Variants in SH2B2 observed in about 807,000 individuals in gnomAD.
SH2B2 encodes the protein SH2B adaptor protein 2, also known as SH2B adapter protein 2.
SH2B2 carries 37 observed loss-of-function variants against 35.7 expected under a neutral mutation model. The observed-to-expected ratio is 1.04, with a 90% CI of 0.80 to 1.36. SH2B2 has a LOEUF of 1.36. Among genes scored for constraint, SH2B2 ranks in the 40% most tolerant of loss-of-function variants. The pLI is 0.00. For synonymous variants in SH2B2, 383 were observed against 376.4 expected (o/e 1.02, Z -0.20); for missense variants, 852 against 817.7 (o/e 1.04, Z -0.51).
At chr7:102,309,786 A>G (rs369015190) in intron 4 of SH2B2, among the ~76,000 whole-genome samples, 9 of 152,312 alleles carry the variant, frequency 5.9e-5, no homozygotes, top group South Asian at 2.1e-4. Flanking sequence ...TTAAATAAAG[A>G]GTGGACCAAT....
chr7:102,317,289 T>C lies in SH2B2; in HGVS notation c.1289T>C (p.Leu430Pro). 1 of 1,613,702 alleles carries C rather than the reference T, an allele frequency of 6.2e-7. No homozygotes were observed. Among genetic ancestry groups the C allele is most frequent in the Non-Finnish European group, 8.5e-7 (1 of 1,179,626 alleles). The stretch of plus-strand genomic sequence containing the variant: ...CTGTCCCGGGTCAAGGCTGCTCAAC[T>C]GGTTCTGGCAGGGGGGCCCCGGAAC... The part of the protein sequence containing the change: ...GTLSRVKAAQ[L>P]VLAGGPRNHG... Residue 430 changes from leucine to proline, a missense_variant, in exon 7 of 9, where the codon CTG becomes CCG. By Grantham distance (98) the Leu-to-Pro change is moderately conservative. Coordinates refer to ENST00000444095, the MANE Select transcript of SH2B2 (RefSeq NM_001359228.2).
intron 1 of SH2B2, among the ~76,000 whole-genome samples, chr7:102,294,778 T>TGG (rs1440189649): frequency 6.6e-6 from 1 of 152,156 alleles, no homozygotes; most frequent in East Asian, 1.9e-4. Flanking sequence ...TGTAGCCAGG[T>TGG]GGGGGCCTCC....
At chr7:102,295,326 GCC>G (rs1792859111) in intron 1 of SH2B2, among the ~76,000 whole-genome samples, 1 of 152,164 alleles carries the variant, frequency 6.6e-6, no homozygotes, top group Non-Finnish European at 1.5e-5. Context: ...GAGAGAGGTG[GCC>G]ACCGTCAGGA....
rs186760799 is a variant in SH2B2, at chr7:102,318,200, G to A, written c.1395+805G>A. The stretch of plus-strand genomic sequence containing the variant: ...ATCCTCCAGGCTGGATTGCAACATC[G>A]CAATCTCAGCTCATTGCAACCTCCG... On this transcript the variant is annotated intron_variant, in intron 7 of 8. Transcript: ENST00000444095. 7.2e-5 allele frequency among the ~76,000 whole-genome samples: 11 copies of A among 152,078 alleles called. No homozygotes were observed. The East Asian group carries it at 9.7e-4, about 13-fold the overall frequency.
chr7:102,315,494 C>A (rs543598500), intron 6 of SH2B2, among the ~76,000 whole-genome samples: 7 of 151,970 alleles, frequency 4.6e-5, no homozygotes, highest in Admixed American at 2.0e-4. Flanking sequence ...TCGCCTGGCT[C>A]ATTTTTGTAT....
Position 102,310,593 on chromosome 7 carries a change from T to C in SH2B2, c.923+1687T>C, listed in dbSNP as rs544759510. 3.9e-5 allele frequency among the ~76,000 whole-genome samples: 6 copies of C among 152,234 alleles called. No homozygotes were observed. The South Asian group carries it at 1.2e-3, about 32-fold the overall frequency. On this transcript the variant is annotated intron_variant, in intron 4 of 8. Transcript: ENST00000444095. ...ATAGGCAGCCCGACAGGCTGAGCAATTGGCAGCAGCTCTGCTGGCTAATGG... is the reference window on the plus strand; with the variant it reads ...ATAGGCAGCCCGACAGGCTGAGCAACTGGCAGCAGCTCTGCTGGCTAATGG...
chr7:102,289,408 T>G (rs1408694724), intron 1 of SH2B2, among the ~76,000 whole-genome samples: 1 of 152,054 alleles, frequency 6.6e-6, no homozygotes, highest in African/African-American at 2.4e-5. Context: ...GGGGCCTGCC[T>G]GCTATTGGGG....
chr7:102,300,963 G>A lies in SH2B2; in HGVS notation c.413G>A (p.Arg138His), dbSNP rs1329133767. 2 of 1,486,380 alleles carry A rather than the reference G, an allele frequency of 1.3e-6. No homozygotes were observed. The highest frequency in any genetic ancestry group is 8.9e-7 in the Non-Finnish European group (1 of 1,120,610). The allele number at this position is 1,486,380 out of a possible 1,614,324, so 92.1% of individuals were successfully genotyped here. Residue 138 changes from arginine to histidine, a missense_variant, in exon 2 of 9, where the codon CGC becomes CAC. Physicochemically the swap from Arg to His is conservative, Grantham distance 29. Around this residue, in one of 3 missense-constraint regions of SH2B2, gnomAD observed 294 missense variants for 286.6 expected, o/e 1.03. Coordinates refer to ENST00000444095, the MANE Select transcript of SH2B2 (RefSeq NM_001359228.2). ...KARVRKGFSL[R>H]NMSLCVVDGV... is the part of the protein sequence containing the mutation. ...CGCGTTCGCAAGGGCTTCTCGCTGC[G>A]CAACATGAGCCTGTGCGTGGTGGAC...
chr7:102,315,744 G>GAAAAAAAAAAAA (rs61456197), intron 6 of SH2B2, among the ~76,000 whole-genome samples: 27 of 90,486 alleles, frequency 3.0e-4, no homozygotes, highest in Non-Finnish European at 4.3e-4. Flanking sequence ...CCTGTGAAAA[G>GAAAAAAAAAAAA]AAAAAAAAAA....
rs1794072316 is a variant in SH2B2, at chr7:102,321,394, TGCCCGCCTGCCTC to T, written c.1668_1680del (p.Ala558ThrfsTer86). ...CTTCTCCAGCCTCGCCGCGGCCGCC[TGCCCGCCTGCCTC>T]GCCCTCCGACGCCGCCGGCGCCTCC... On this transcript the variant is annotated frameshift_variant, in exon 9 of 9. Coordinates refer to ENST00000444095, the MANE Select transcript of SH2B2 (RefSeq NM_001359228.2). LOFTEE classifies it low-confidence loss of function (END_TRUNC). The T allele has an allele frequency of 1.5e-6, 2 of 1,377,862 alleles. No homozygotes were observed. Among genetic ancestry groups the T allele is most frequent in the Non-Finnish European group, 1.9e-6 (2 of 1,064,460 alleles). The allele number at this position is 1,377,862 out of a possible 1,614,324, so 85.4% of individuals were successfully genotyped here. A position where few individuals can be genotyped will look rare whatever the true frequency, so the allele number is the denominator to read the frequency against.
In SH2B2 at chr7:102,321,389, C is replaced by T. The variant is rs1317402402; in HGVS notation, c.1658C>T (p.Ala553Val). Residue 553 changes from alanine to valine, a missense_variant, in exon 9 of 9, where the codon GCC becomes GTC. Coordinates refer to ENST00000444095, the MANE Select transcript of SH2B2 (RefSeq NM_001359228.2). ...GQHYFSSLAA[A>V]ACPPASPSDA... ...CACTACTTCTCCAGCCTCGCCGCGG[C>T]CGCCTGCCCGCCTGCCTCGCCCTCC... The T allele has an allele frequency of 3.6e-6, 5 of 1,377,512 alleles. No individual in the cohort carries two copies. The Admixed American group carries it at 1.3e-4, about 35-fold the overall frequency. 85.3% of individuals were successfully genotyped at this position (1,377,512 alleles called of 1,614,324 possible). A position where few individuals can be genotyped will look rare whatever the true frequency, so the allele number is the denominator to read the frequency against.
chr7:102,301,522 C>G (rs1386865531), intron 2 of SH2B2, among the ~76,000 whole-genome samples: 1 of 151,844 alleles, frequency 6.6e-6, no homozygotes, highest in Non-Finnish European at 1.5e-5. Flanking sequence ...TTCTGGGGCA[C>G]TAATTTTTTC....
chr7:102,307,955 G>C lies in SH2B2; in HGVS notation c.832-860G>C, dbSNP rs557973781. 3.9e-5 allele frequency among the ~76,000 whole-genome samples: 6 copies of C among 152,210 alleles called. No individual in the cohort carries two copies. In the South Asian group the frequency reaches 8.3e-4, roughly 21 times the overall value. ...TTGGCTAATTTCTGTATTTTTGGTAGAGACAGCGTTTCACCATGTTGCCCA... is the reference window on the plus strand; with the variant it reads ...TTGGCTAATTTCTGTATTTTTGGTACAGACAGCGTTTCACCATGTTGCCCA... On this transcript the variant is annotated intron_variant, in intron 3 of 8. Transcript: ENST00000444095.
rs548866766 is a variant in SH2B2, at chr7:102,296,577, AGGT to A, written c.-29-3943_-29-3941del. On this transcript the variant is annotated intron_variant, in intron 1 of 8. Transcript: ENST00000444095. ...CCCCAGAGGCAATGGCAAGGCCCCC[AGGT>A]GATGGGCTGGGCCCAAGCCATGCAG... is the stretch of plus-strand genomic sequence containing the variant. Among the ~76,000 whole-genome samples, 300 of 152,364 alleles carry A rather than the reference AGGT, an allele frequency of 2.0e-3. 2 individuals are homozygous for A. The highest frequency in any genetic ancestry group is 6.0e-3 in the African/African-American group (249 of 41,590).
At position 102,300,959 on chromosome 7, in the gene SH2B2, C is replaced by T. The variant is rs781892639; in HGVS notation, c.409C>T (p.Leu137=). 25 of 1,488,812 alleles carry T rather than the reference C, an allele frequency of 1.7e-5. No individual in the cohort carries two copies. Among genetic ancestry groups the T allele is most frequent in the Admixed American group, 2.3e-5 (1 of 43,454 alleles). The allele number at this position is 1,488,812 out of a possible 1,614,324, so 92.2% of individuals were successfully genotyped here. A position where few individuals can be genotyped will look rare whatever the true frequency, so the allele number is the denominator to read the frequency against. The change falls in exon 2 of 9, where the codon CTG becomes TTG. Residue 137 remains leucine (L), a synonymous_variant. Transcript: ENST00000444095. Reference sequence around the variant, plus strand: ...GGCCCGCGTTCGCAAGGGCTTCTCGCTGCGCAACATGAGCCTGTGCGTGGT... The same window carrying T: ...GGCCCGCGTTCGCAAGGGCTTCTCGTTGCGCAACATGAGCCTGTGCGTGGT... ...TKARVRKGFS[L]RNMSLCVVDG...
Position 102,314,371 on chromosome 7 carries a change from G to A in SH2B2, c.959G>A (p.Arg320Gln), listed in dbSNP as rs897106630. ...GAAGACACCGAGCTCTCCTGTACCC[G>A]AGGAGGCTGTCTGGCCAGCCGCGTG... ...SEEDTELSCT[R>Q]GGCLASRVAS... Residue 320 changes from arginine to glutamine, a missense_variant, in exon 5 of 9, where the codon CGA becomes CAA. Transcript: ENST00000444095. The A allele has an allele frequency of 2.8e-5, 11 of 398,702 alleles. No homozygotes were observed. In the East Asian group the frequency reaches 3.2e-4, roughly 12 times the overall value. 24.7% of individuals were successfully genotyped at this position (398,702 alleles called of 1,614,324 possible).
intron 2 of SH2B2, 58 bp from the exon 3 acceptor site, chr7:102,306,663 G>A (rs1459256960): frequency 1.6e-6 from 2 of 1,273,016 alleles, no homozygotes; most frequent in Non-Finnish European, 2.2e-6. Flanking sequence ...GCGGGGAGGG[G>A]ATGGAAAGGG....
At chr7:102,313,805 A>G (rs1453604490) in intron 4 of SH2B2, among the ~76,000 whole-genome samples, 2 of 151,712 alleles carry the variant, frequency 1.3e-5, no homozygotes, top group Admixed American at 6.6e-5. Context: ...CCAGCTACTC[A>G]GGAGGCTGAG....
At chr7:102,312,027 G>C (rs1793643934) in intron 4 of SH2B2, among the ~76,000 whole-genome samples, 2 of 150,350 alleles carry the variant, frequency 1.3e-5, no homozygotes, top group Non-Finnish European at 3.0e-5. Flanking sequence ...GCAGTGAGCT[G>C]AGATTGCACC....
Sources: gnomAD v4.1 joint callset for allele counts (sites outside exome capture counted in the v4.1 genomes callset) on GRCh38, gnomAD v4.1.1 for gene constraint, gnomAD v4.1.1 regional missense constraint, MANE v1.5 for transcripts, NCBI Gene and HGNC (gene_info 2026-07-23, HGNC 2026-07-21) for gene names.